The following BRAF variants were observed in gnomAD, a reference collection of about 807,000 sequenced individuals.
The protein encoded by BRAF is serine/threonine-protein kinase B-raf.
A neutral mutation model predicts 104.6 loss-of-function variants in BRAF; 16 were observed. That is an observed-to-expected ratio of 0.15 (90% confidence interval 0.10 to 0.23). The LOEUF (loss-of-function observed/expected upper bound fraction) is 0.23, where lower values mean the gene tolerates loss of function less well. Among genes scored for constraint, BRAF ranks in the 10% least tolerant of loss-of-function variants. The pLI, the probability that BRAF is intolerant of heterozygous loss-of-function variation, is 1.00. For missense variants in BRAF, 541 were observed against 937.3 expected (o/e 0.58, Z 5.52); for synonymous variants, 310 against 341.6 (o/e 0.91, Z 1.02).
In BRAF at chr7:140,833,858, T is replaced by C. The variant is rs1807045076; in HGVS notation, c.504+751A>G. 4 of 152,186 alleles carry C rather than the reference T, an allele frequency of 2.6e-5. No homozygotes were observed. The South Asian group carries it at 6.2e-4, about 24-fold the overall frequency. 9.4% of individuals were successfully genotyped at this position (152,186 alleles called of 1,614,324 possible). A position where few individuals can be genotyped will look rare whatever the true frequency, so the allele number is the denominator to read the frequency against. On this transcript the variant is annotated intron_variant, in intron 3 of 19. Transcript: ENST00000644969. ...TTAACTTCTGAAAGTAAAATGCCTC[T>C]ATAATAACATTTTTTTTTCAAGTCA...
At chr7:140,839,391 T>C (rs1284618812) in intron 2 of BRAF, among the ~76,000 whole-genome samples, 1 of 152,160 alleles carries the variant, frequency 6.6e-6, no homozygotes, top group Non-Finnish European at 1.5e-5. Context: ...GTTTAATTAT[T>C]TTTTTCTTTC....
chr7:140,731,520 G>T (rs542504841), intron 19 of BRAF: 1 of 152,210 alleles, frequency 6.6e-6, no homozygotes, highest in South Asian at 2.1e-4. Flanking sequence ...TTTTTAAAAA[G>T]GCACATAATT....
At chr7:140,880,128 C>T (rs968425109) in intron 1 of BRAF, among the ~76,000 whole-genome samples, 3 of 152,200 alleles carry the variant, frequency 2.0e-5, no homozygotes, top group African/African-American at 7.2e-5. Context: ...GGTCTGATAG[C>T]ATCTGAACCA....
intron 8 of BRAF, among the ~76,000 whole-genome samples, chr7:140,788,736 G>A (rs1232944769): frequency 6.6e-6 from 1 of 151,852 alleles, no homozygotes; most frequent in African/African-American, 2.4e-5. Flanking sequence ...CTACAAGCAC[G>A]CACCACCATG....
intron 1 of BRAF, among the ~76,000 whole-genome samples, chr7:140,889,459 T>C (rs759403744): frequency 2.0e-5 from 3 of 152,168 alleles, no homozygotes; most frequent in Non-Finnish European, 4.4e-5. Context: ...GTAGTACACA[T>C]ATAGCATAAA....
chr7:140,827,815 T>A (rs949406681), intron 3 of BRAF, among the ~76,000 whole-genome samples: 2 of 152,218 alleles, frequency 1.3e-5, no homozygotes, highest in African/African-American at 4.8e-5. Flanking sequence ...TGCTAAAGCA[T>A]GAAACCAGCC....
intron 8 of BRAF, 79 bp downstream of exon 8, chr7:140,794,229 G>T: frequency 6.5e-7 from 1 of 1,539,440 alleles, no homozygotes; most frequent in Non-Finnish European, 8.9e-7. Flanking sequence ...ACTTATTTCT[G>T]ATCTAAGTTA....
At chr7:140,913,049 T>C (rs1817176747) in intron 1 of BRAF, among the ~76,000 whole-genome samples, 1 of 152,220 alleles carries the variant, frequency 6.6e-6, no homozygotes, top group South Asian at 2.1e-4. Context: ...TTATCTGAAA[T>C]GCCTCCTCCT....
intron 1 of BRAF, among the ~76,000 whole-genome samples, chr7:140,919,225 T>C (rs1477676219): frequency 6.6e-6 from 1 of 152,156 alleles, no homozygotes; most frequent in African/African-American, 2.4e-5. Flanking sequence ...TGGCGTACTT[T>C]GAAAACCACC....
At chr7:140,874,158 G>C (rs1290889127) in intron 1 of BRAF, among the ~76,000 whole-genome samples, 4 of 151,536 alleles carry the variant, frequency 2.6e-5, no homozygotes, top group Admixed American at 6.6e-5. Context: ...TAGAGGACAA[G>C]GATCTGAATC....
rs1795489978 is a variant in BRAF, at chr7:140,724,459, C to G, written c.*2035G>C. ...TTCTTCAAATCAGCGTGAATTATTT[C>G]CACCTTTGCAATTTCTGAATTTTGT... is the stretch of plus-strand genomic sequence containing the variant. On this transcript the variant is annotated 3_prime_UTR_variant, in exon 20 of 20. Coordinates refer to ENST00000644969, the MANE Select transcript of BRAF (RefSeq NM_001374258.1). 9.5e-7 allele frequency: 1 copy of G among 1,054,094 alleles called. No individual in the cohort carries two copies. The highest frequency in any genetic ancestry group is 5.4e-5 in the East Asian group (1 of 18,682). The allele number at this position is 1,054,094 out of a possible 1,614,324, so 65.3% of individuals were successfully genotyped here.
chr7:140,868,689 G>C (rs531911579), intron 1 of BRAF, among the ~76,000 whole-genome samples: 2 of 152,058 alleles, frequency 1.3e-5, no homozygotes, highest in Non-Finnish European at 2.9e-5. Context: ...TAAAACCTCC[G>C]CACTGTACAC....
At chr7:140,762,762 C>A (rs1010135976) in intron 14 of BRAF, among the ~76,000 whole-genome samples, 12 of 152,022 alleles carry the variant, frequency 7.9e-5, no homozygotes, top group South Asian at 2.1e-4. Flanking sequence ...CGGCCTTCCG[C>A]AGTGTTTGTG....
intron 1 of BRAF, among the ~76,000 whole-genome samples, chr7:140,910,689 T>C (rs1001401213): frequency 6.6e-6 from 1 of 152,072 alleles, no homozygotes; most frequent in African/African-American, 2.4e-5. Context: ...CACTTTTTTT[T>C]TGAGAGGGTG....
At chr7:140,904,172 T>C (rs917081400) in intron 1 of BRAF, among the ~76,000 whole-genome samples, 1 of 152,198 alleles carries the variant, frequency 6.6e-6, no homozygotes, top group Non-Finnish European at 1.5e-5. Context: ...AGAGAAATCT[T>C]TTGTGAAAAG....
intron 1 of BRAF, among the ~76,000 whole-genome samples, chr7:140,910,336 T>A (rs1162039893): frequency 1.3e-5 from 2 of 152,218 alleles, no homozygotes; most frequent in Non-Finnish European, 2.9e-5. Flanking sequence ...AAACCTTAAC[T>A]TCCATCAAGA....
intron 1 of BRAF, among the ~76,000 whole-genome samples, chr7:140,881,100 G>A (rs191954406): frequency 2.0e-5 from 3 of 152,292 alleles, no homozygotes; most frequent in East Asian, 3.9e-4. Context: ...TGAGCAGGGG[G>A]TCTCAACAGT....
At chr7:140,848,556 T>C (rs927989329) in intron 2 of BRAF, among the ~76,000 whole-genome samples, 2 of 152,202 alleles carry the variant, frequency 1.3e-5, no homozygotes, top group East Asian at 1.9e-4. Context: ...AGTGGGGACA[T>C]AGCTATTGAT....
At chr7:140,878,509 G>T (rs976088427) in intron 1 of BRAF, among the ~76,000 whole-genome samples, 1 of 152,144 alleles carries the variant, frequency 6.6e-6, no homozygotes, top group South Asian at 2.1e-4. Context: ...TGCAAGTCAT[G>T]AATTTAATTA....
Sources: allele counts gnomAD v4.1 joint callset (sites outside exome capture counted in the v4.1 genomes callset), GRCh38; gene constraint gnomAD v4.1.1; transcripts MANE v1.5; gene names NCBI Gene and HGNC (gene_info 2026-07-23, HGNC 2026-07-21).